The following PLEKHA1 variants were observed in gnomAD, a reference collection of about 807,000 sequenced individuals.
PLEKHA1 encodes pleckstrin homology domain containing A1.
Under a neutral mutation model 52.0 loss-of-function variants are expected in PLEKHA1, and 34 were observed. The ratio of observed to expected loss-of-function variants is 0.65; its 90% CI spans 0.50 to 0.87. PLEKHA1 has a LOEUF of 0.87. Ranked by LOEUF, PLEKHA1 falls within the 40% of genes least tolerant of loss-of-function variation. The pLI is 0.00. For missense variants in PLEKHA1, 497 were observed against 504.2 expected (o/e 0.99, Z 0.14); for synonymous variants, 163 against 170.7 (o/e 0.95, Z 0.35).
At chr10:122,405,691 C>A (rs558233675) in intron 4 of PLEKHA1, among the ~76,000 whole-genome samples, 1 of 151,704 alleles carries the variant, frequency 6.6e-6, no homozygotes, top group Non-Finnish European at 1.5e-5. Context: ...AGGAATTAGA[C>A]GCATGAAGCA....
intron 4 of PLEKHA1, among the ~76,000 whole-genome samples, chr10:122,404,839 T>C (rs2096984025): frequency 1.3e-5 from 2 of 152,200 alleles, no homozygotes; most frequent in South Asian, 4.1e-4. Flanking sequence ...TTAGAGTGTT[T>C]TGGTCTCAGT....
rs1402877858 is a variant in PLEKHA1 at position 122,432,238 on chromosome 10, TC to T, written c.*2301del. 6.6e-6 allele frequency: 1 copy of T among 152,238 alleles called. No homozygotes were observed. Among genetic ancestry groups the T allele is most frequent in the Non-Finnish European group, 1.5e-5 (1 of 68,040 alleles). The allele number at this position is 152,238 out of a possible 1,614,324, so 9.4% of individuals were successfully genotyped here. A position where few individuals can be genotyped will look rare whatever the true frequency, so the allele number is the denominator to read the frequency against. ...TTCCGTATATATAACATGTCTTCTTTCAGAATGGGAATATATGTGTGCCTCC... is the reference window on the plus strand; with the variant it reads ...TTCCGTATATATAACATGTCTTCTTTAGAATGGGAATATATGTGTGCCTCC... On this transcript the variant is annotated 3_prime_UTR_variant, in exon 12 of 12. Coordinates refer to ENST00000368990, the MANE Select transcript of PLEKHA1 (RefSeq NM_001001974.4).
chr10:122,397,254 T>G (rs1460773212), intron 2 of PLEKHA1, among the ~76,000 whole-genome samples: 3 of 152,134 alleles, frequency 2.0e-5, no homozygotes, highest in Non-Finnish European at 4.4e-5. Flanking sequence ...CACTTCAGTC[T>G]TTCTGGATAG....
rs758398648 is a variant in PLEKHA1 at position 122,417,909 on chromosome 10, T to A, written c.622T>A (p.Trp208Arg). The A allele has an allele frequency of 6.2e-7, 1 of 1,610,900 alleles. No individual in the cohort carries two copies. Among genetic ancestry groups the A allele is most frequent in the Non-Finnish European group, 8.5e-7 (1 of 1,177,740 alleles). Residue 208 changes from tryptophan to arginine, a missense_variant, in exon 8 of 12, where the codon TGG becomes AGG. By Grantham distance (101) the Trp-to-Arg change is moderately radical. Transcript: ENST00000368990. ...TGTTCATCTCTGGTAGATGAAAAAC[T>A]GGAAGAGAAGATATTTTCAATTGGA... ...CVKQGAVMKN[W>R]KRRYFQLDEN...
rs1465420932 is a variant in PLEKHA1 at position 122,431,737 on chromosome 10, T to A, written c.*1799T>A. 6.6e-6 allele frequency: 1 copy of A among 152,642 alleles called. No individual in the cohort carries two copies. The highest frequency in any genetic ancestry group is 1.5e-5 in the Non-Finnish European group (1 of 68,036). The allele number at this position is 152,642 out of a possible 1,614,324, so 9.5% of individuals were successfully genotyped here. ...AAGCTAATATTTTTTTAAAGTTACA[T>A]TAAGATTTTTTCTCTTTTGCAGCTA... is the stretch of plus-strand genomic sequence containing the variant. On this transcript the variant is annotated 3_prime_UTR_variant, in exon 12 of 12. Coordinates refer to ENST00000368990, the MANE Select transcript of PLEKHA1 (RefSeq NM_001001974.4).
chr10:122,420,518 C>T (rs946028883), intron 8 of PLEKHA1: 2 of 152,166 alleles, frequency 1.3e-5, no homozygotes, highest in Admixed American at 6.5e-5. Flanking sequence ...TCCTAGATGT[C>T]TCCCATTTCA....
At chr10:122,399,753 T>G (rs569471560) in intron 3 of PLEKHA1, among the ~76,000 whole-genome samples, 1 of 151,984 alleles carries the variant, frequency 6.6e-6, no homozygotes, top group Non-Finnish European at 1.5e-5. Flanking sequence ...CAGCTAATTT[T>G]TTTTTGTATT....
chr10:122,414,729 A>G (rs1036115854), intron 6 of PLEKHA1, among the ~76,000 whole-genome samples: 1 of 152,170 alleles, frequency 6.6e-6, no homozygotes, highest in Non-Finnish European at 1.5e-5. Flanking sequence ...GAAAAAATAC[A>G]AATTAAGAGC....
chr10:122,396,664 A>G (rs1391675984), intron 2 of PLEKHA1, among the ~76,000 whole-genome samples: 3 of 152,034 alleles, frequency 2.0e-5, no homozygotes, highest in African/African-American at 2.4e-5. Context: ...AGATTTTTAT[A>G]TTTTTAAGTA....
intron 1 of PLEKHA1, among the ~76,000 whole-genome samples, chr10:122,389,324 T>C (rs1264154901): frequency 6.6e-6 from 1 of 152,220 alleles, no homozygotes; most frequent in East Asian, 1.9e-4. Context: ...TCATCAGAGC[T>C]CTTGGGTGAC....
Position 122,432,056 on chromosome 10 carries a change from C to T in PLEKHA1, c.*2118C>T, listed in dbSNP as rs2097420499. On this transcript the variant is annotated 3_prime_UTR_variant, in exon 12 of 12. Coordinates refer to ENST00000368990, the MANE Select transcript of PLEKHA1 (RefSeq NM_001001974.4). ...TTGTTCGATAGCATAGGAAAATGTT[C>T]TGGTGATTGTCAGGGTCTCCTAATA... 1 of 152,102 alleles carries T rather than the reference C, an allele frequency of 6.6e-6. No individual in the cohort carries two copies. The highest frequency in any genetic ancestry group is 1.5e-5 in the Non-Finnish European group (1 of 68,008). 9.4% of individuals were successfully genotyped at this position (152,102 alleles called of 1,614,324 possible).
chr10:122,424,171 G>GTTTGTTT, intron 8 of PLEKHA1, 28 bp from the exon 9 acceptor site: 4 of 953,368 alleles, frequency 4.2e-6, no homozygotes, highest in Admixed American at 4.7e-5. Flanking sequence ...TCATGTAACT[G>GTTTGTTT]TTTTTTTTTT....
intron 1 of PLEKHA1, among the ~76,000 whole-genome samples, chr10:122,383,313 G>GTTTTTTTTTTTTTTTTTTT (rs58485855): frequency 4.7e-5 from 6 of 128,388 alleles, no homozygotes; most frequent in Non-Finnish European, 6.5e-5. Context: ...CTTTCTTTCT[G>GTTTTTTTTTTTTTTTTTTT]TTTTTTTTTT....
intron 9 of PLEKHA1, 148 bp downstream of exon 9, chr10:122,424,411 A>T: frequency 1.1e-6 from 1 of 902,274 alleles, no homozygotes; most frequent in South Asian, 3.1e-5. Flanking sequence ...TAGAATTTTC[A>T]AAACCCTCAG....
chr10:122,388,750 T>G (rs2096735685), intron 1 of PLEKHA1, among the ~76,000 whole-genome samples: 1 of 152,206 alleles, frequency 6.6e-6, no homozygotes. Context: ...TTTTTGCTAG[T>G]GGAGAGTTTT....
intron 1 of PLEKHA1, among the ~76,000 whole-genome samples, chr10:122,382,426 C>G (rs986107732): frequency 6.6e-6 from 1 of 152,188 alleles, no homozygotes; most frequent in East Asian, 1.9e-4. Flanking sequence ...CTTCTAGATT[C>G]AATAGATACC....
At chr10:122,384,684 G>A (rs1397592594) in intron 1 of PLEKHA1, among the ~76,000 whole-genome samples, 1 of 151,896 alleles carries the variant, frequency 6.6e-6, no homozygotes. Context: ...CAGGTGTGGT[G>A]GCTCACACCT....
chr10:122,397,454 C>G (rs1370641392), intron 2 of PLEKHA1, among the ~76,000 whole-genome samples: 1 of 152,048 alleles, frequency 6.6e-6, no homozygotes, highest in Non-Finnish European at 1.5e-5. Context: ...GCATAAAAAA[C>G]AGTAAACCAT....
At chr10:122,413,572 C>T (rs2097135318) in intron 6 of PLEKHA1, among the ~76,000 whole-genome samples, 1 of 151,998 alleles carries the variant, frequency 6.6e-6, no homozygotes, top group Non-Finnish European at 1.5e-5. Context: ...ATTTTTTCTA[C>T]AACCTGGCCT....
Sources: allele counts gnomAD v4.1 joint callset (sites outside exome capture counted in the v4.1 genomes callset), GRCh38; gene constraint gnomAD v4.1.1; transcripts MANE v1.5; gene names NCBI Gene and HGNC (gene_info 2026-07-23, HGNC 2026-07-21).